The following PPM1E variants were observed in gnomAD, a reference collection of about 807,000 sequenced individuals.
PPM1E encodes the protein protein phosphatase 1E.
Under a neutral mutation model 65.9 loss-of-function variants are expected in PPM1E, and 20 were observed. The observed-to-expected ratio is 0.30, with a 90% CI of 0.21 to 0.44. PPM1E has a LOEUF of 0.44. Among genes scored for constraint, PPM1E ranks in the 20% least tolerant of loss-of-function variants. PPM1E has a pLI of 1.00. For synonymous variants in PPM1E, 352 were observed against 374.9 expected, an observed-to-expected ratio of 0.94 and a Z score of 0.70; for missense variants, 713 against 953.1, an observed-to-expected ratio of 0.75 and a Z score of 3.32.
intron 1 of PPM1E, among the ~76,000 whole-genome samples, chr17:58,888,362 C>CTT (rs71367642): frequency 0.029 from 3,054 of 104,386 alleles, 178 homozygotes; most frequent in African/African-American, 0.08. Flanking sequence ...ACTCTTCTCT[C>CTT]TTTTTTTTTT....
At chr17:58,935,806 ATTTC>A (rs1448812762) in intron 1 of PPM1E, among the ~76,000 whole-genome samples, 1 of 151,716 alleles carries the variant, frequency 6.6e-6, no homozygotes, top group Non-Finnish European at 1.5e-5. Flanking sequence ...AGGGAATGAG[ATTTC>A]TTTTTTTTTT....
intron 1 of PPM1E, among the ~76,000 whole-genome samples, chr17:58,822,959 G>A (rs186958586): frequency 6.6e-5 from 10 of 152,226 alleles, no homozygotes; most frequent in Admixed American, 4.6e-4. Flanking sequence ...TGTAAGTGAG[G>A]CAGCAAAGTA....
chr17:58,959,085 G>C (rs890810405), intron 2 of PPM1E, among the ~76,000 whole-genome samples: 22 of 152,048 alleles, frequency 1.4e-4, no homozygotes, highest in African/African-American at 5.1e-4. Flanking sequence ...GAGGCAGGCA[G>C]ATCACCTGAG....
chr17:58,905,868 A>G (rs543557326), intron 1 of PPM1E, among the ~76,000 whole-genome samples: 4 of 152,300 alleles, frequency 2.6e-5, no homozygotes, highest in South Asian at 2.1e-4. Flanking sequence ...AATGACTTCT[A>G]TCTTCTGAAA....
In PPM1E at chr17:58,972,940, T is replaced by A; in HGVS notation, c.1210+15T>A. 2 of 1,596,942 alleles carry A rather than the reference T, an allele frequency of 1.3e-6. No homozygotes were observed. The highest frequency in any genetic ancestry group is 1.7e-5 in the Admixed American group (1 of 59,452). ...CAGAGCTATTGGTAGGAAAAACAAA[T>A]TTTTGTTTCTCCAAACTGTCCTCTT... is the stretch of plus-strand genomic sequence containing the variant. On this transcript the variant is annotated intron_variant, in intron 6 of 6. Transcript: ENST00000308249.
At chr17:58,966,414 T>G (rs772402498) in intron 3 of PPM1E, 231 of 238,792 alleles carry the variant, frequency 9.7e-4, no homozygotes, top group Admixed American at 2.7e-3. Context: ...ATAAAGCAGT[T>G]TTGTAAAAAA....
intron 1 of PPM1E, among the ~76,000 whole-genome samples, chr17:58,851,633 C>A (rs375801900): frequency 3.9e-4 from 59 of 152,312 alleles, no homozygotes; most frequent in African/African-American, 1.4e-3. Flanking sequence ...CCTGATCCTT[C>A]CTCTGGAAGT....
chr17:58,852,223 C>T (rs2050833614), intron 1 of PPM1E, among the ~76,000 whole-genome samples: 1 of 152,160 alleles, frequency 6.6e-6, no homozygotes, highest in South Asian at 2.1e-4. Flanking sequence ...ACCCCTTGCG[C>T]TTCCCGGGTG....
rs1454534367 is a variant in PPM1E at position 58,756,333 on chromosome 17, G to T, written c.336G>T (p.Ser112=). 1 of 1,397,252 alleles carries T rather than the reference G, an allele frequency of 7.2e-7. No individual in the cohort carries two copies. The highest frequency in any genetic ancestry group is 1.7e-5 in the South Asian group (1 of 58,502). The allele number at this position is 1,397,252 out of a possible 1,614,324, so 86.6% of individuals were successfully genotyped here. A position where few individuals can be genotyped will look rare whatever the true frequency, so the allele number is the denominator to read the frequency against. ...AATAAAAPGH[S]AVPPPPPQLP... ...CGGCGGCGGCAGCCCCGGGGCACTC[G>T]GCCGTGCCGCCGCCGCCGCCCCAGC... The change falls in exon 1 of 7, where the codon TCG becomes TCT. Residue 112 remains serine, a synonymous_variant. Coordinates refer to ENST00000308249, the MANE Select transcript of PPM1E (RefSeq NM_014906.5).
In PPM1E at chr17:58,980,497, C is replaced by T. The variant is rs775793603; in HGVS notation, c.1734C>T (p.Ser578=). 1 of 1,614,164 alleles carries T rather than the reference C, an allele frequency of 6.2e-7. No homozygotes were observed. The highest frequency in any genetic ancestry group is 8.5e-7 in the Non-Finnish European group (1 of 1,180,026). ...TAGATCTCACACAAATAGAAGCAAG[C>T]AAACCTCACAGTGCCCAGTTTTTGC... ...GYLDLTQIEA[S]KPHSAQFLLP... The change falls in exon 7 of 7, where the codon AGC becomes AGT. Residue 578 remains serine, a synonymous_variant. Transcript: ENST00000308249. The surrounding 1 kb of genome is among the most constrained non-coding windows in gnomAD (Gnocchi z 4.7).
chr17:58,941,323 A>C (rs1249796959), intron 1 of PPM1E, among the ~76,000 whole-genome samples: 2 of 152,188 alleles, frequency 1.3e-5, no homozygotes, highest in East Asian at 1.9e-4. Context: ...TTTTTTCATC[A>C]TAATTCAGTA....
intron 1 of PPM1E, among the ~76,000 whole-genome samples, chr17:58,771,522 G>T (rs1193406245): frequency 6.6e-6 from 1 of 151,678 alleles, no homozygotes; most frequent in Non-Finnish European, 1.5e-5. Flanking sequence ...TACTCAGGAG[G>T]CTGAGGCAGG....
chr17:58,868,340 CA>C (rs1190382569), intron 1 of PPM1E, among the ~76,000 whole-genome samples: 1 of 151,982 alleles, frequency 6.6e-6, no homozygotes, highest in African/African-American at 2.4e-5. Flanking sequence ...AAAACAAAAA[CA>C]ACGTAGGCCC....
chr17:58,973,628 TAA>T (rs1227849771), intron 6 of PPM1E, among the ~76,000 whole-genome samples: 3 of 150,444 alleles, frequency 2.0e-5, no homozygotes, highest in Non-Finnish European at 3.0e-5. Flanking sequence ...GGCAACATAG[TAA>T]GACTTCATCT....
intron 1 of PPM1E, 93 bp from the exon 2 acceptor site, chr17:58,955,556 C>A (rs1424421664): frequency 7.1e-7 from 1 of 1,405,494 alleles, no homozygotes; most frequent in South Asian, 1.2e-5. Flanking sequence ...TGTTTTGAGA[C>A]AATGTTATAA....
At chr17:58,943,235 C>T (rs1486970337) in intron 1 of PPM1E, among the ~76,000 whole-genome samples, 1 of 152,000 alleles carries the variant, frequency 6.6e-6, no homozygotes, top group African/African-American at 2.4e-5. Flanking sequence ...CTCTTCTTCG[C>T]TTTATAGTAC....
At chr17:58,938,946 G>A (rs1032820429) in intron 1 of PPM1E, among the ~76,000 whole-genome samples, 1 of 151,766 alleles carries the variant, frequency 6.6e-6, no homozygotes, top group Non-Finnish European at 1.5e-5. Flanking sequence ...CCACCACCAC[G>A]CCCAGCTAAT....
intron 1 of PPM1E, among the ~76,000 whole-genome samples, chr17:58,908,375 G>C (rs560105347): frequency 6.7e-6 from 1 of 149,864 alleles, no homozygotes; most frequent in African/African-American, 2.4e-5. Flanking sequence ...CACCCGGCCT[G>C]TTGTTTTAAT....
intron 1 of PPM1E, among the ~76,000 whole-genome samples, chr17:58,843,878 A>C (rs984193283): frequency 1.3e-5 from 2 of 152,146 alleles, no homozygotes; most frequent in African/African-American, 2.4e-5. Context: ...TTGTAGGGGA[A>C]ATGGCATATG....
Sources: gnomAD v4.1 joint callset for allele counts (sites outside exome capture counted in the v4.1 genomes callset) on GRCh38, gnomAD v4.1.1 for gene constraint, Gnocchi (gnomAD v3.1) non-coding constraint, MANE v1.5 for transcripts, NCBI Gene and HGNC (gene_info 2026-07-23, HGNC 2026-07-21) for gene names.